ARHGAP31: variants seen among roughly 807,000 people sequenced by gnomAD.
ARHGAP31 encodes the protein rho GTPase-activating protein 31.
Under a neutral mutation model 113.9 loss-of-function variants are expected in ARHGAP31, and 34 were observed. The observed-to-expected ratio is 0.30, with a 90% CI of 0.23 to 0.40. The LOEUF is 0.40. ARHGAP31 is among the 10% of genes least tolerant of loss of function. ARHGAP31 has a pLI of 1.00. For synonymous variants in ARHGAP31, 650 were observed against 684.8 expected (o/e 0.95, Z 0.79); for missense variants, 1,548 against 1,767.1 (o/e 0.88, Z 2.22).
chr3:119,404,497 C>T (rs6772534), intron 10 of ARHGAP31, among the ~76,000 whole-genome samples: 27,849 of 152,036 alleles, frequency 0.18, 2,923 homozygotes, highest in African/African-American at 0.28. Flanking sequence ...TGCTCTCTGA[C>T]GGGGTGAGGT....
intron 1 of ARHGAP31, among the ~76,000 whole-genome samples, chr3:119,304,006 G>T (rs550302270): frequency 6.6e-6 from 1 of 152,144 alleles, no homozygotes; most frequent in East Asian, 1.9e-4. Flanking sequence ...ATGTTAGCCA[G>T]GCTGGTCTCA....
intron 5 of ARHGAP31, among the ~76,000 whole-genome samples, chr3:119,382,646 G>A (rs2080411716): frequency 6.6e-6 from 1 of 152,150 alleles, no homozygotes; most frequent in Non-Finnish European, 1.5e-5. Context: ...TGAACTTATG[G>A]GTCTGTATGT....
Position 119,390,942 on chromosome 3 carries a change from G to A in ARHGAP31, c.840G>A (p.Met280Ile). Reference protein sequence around the residue: ...ENSLPEIVPPMGTLFHTVLEL... With the variant: ...ENSLPEIVPPIGTLFHTVLEL... ...GCCTGCCTGAGATTGTCCCTCCCATGGGCACCCTCTTCCACACTGTCCTTG... is the reference window on the plus strand; with the variant it reads ...GCCTGCCTGAGATTGTCCCTCCCATAGGCACCCTCTTCCACACTGTCCTTG... The change falls in exon 7 of 12, where the codon ATG becomes ATA. Residue 280 changes from methionine to isoleucine, a missense_variant. Coordinates refer to ENST00000264245, the MANE Select transcript of ARHGAP31 (RefSeq NM_020754.4). 3 of 1,614,160 alleles carry A rather than the reference G, an allele frequency of 1.9e-6. No homozygotes were observed. Among genetic ancestry groups the A allele is most frequent in the South Asian group, 1.1e-5 (1 of 91,080 alleles).
At chr3:119,369,959 AAAAAG>A (rs2080283081) in intron 3 of ARHGAP31, among the ~76,000 whole-genome samples, 1 of 152,132 alleles carries the variant, frequency 6.6e-6, no homozygotes, top group African/African-American at 2.4e-5. Context: ...GATTTAAAAA[AAAAAG>A]AAAAGAAAGA....
chr3:119,374,010 G>C (rs553495876), intron 3 of ARHGAP31, among the ~76,000 whole-genome samples: 1 of 152,304 alleles, frequency 6.6e-6, no homozygotes, highest in African/African-American at 2.4e-5. Flanking sequence ...AGTGAGAGAT[G>C]ATTTAAATAA....
intron 3 of ARHGAP31, among the ~76,000 whole-genome samples, chr3:119,373,434 CT>C (rs11289099): frequency 0.33 from 48,009 of 147,156 alleles, 8,463 homozygotes; most frequent in South Asian, 0.49. Flanking sequence ...GTGAGACTGG[CT>C]TTTTTTTTTG....
At chr3:119,367,582 G>A (rs2080260552) in intron 2 of ARHGAP31, among the ~76,000 whole-genome samples, 1 of 152,102 alleles carries the variant, frequency 6.6e-6, no homozygotes, top group Non-Finnish European at 1.5e-5. Context: ...GATTAGGCTG[G>A]GCATGGTGGC....
chr3:119,409,580 C>T lies in ARHGAP31; in HGVS notation c.1730C>T (p.Ser577Phe), dbSNP rs1468657696. ...PGTVECSKGL[S>F]QEPGAHLEEK... is the part of the protein sequence containing the mutation. ...ACAGTGGAATGCAGCAAAGGCCTGT[C>T]CCAGGAGCCAGGCGCCCACCTGGAG... Residue 577 changes from serine (S) to phenylalanine (F), a missense_variant, in exon 11 of 12, where the codon TCC (serine) becomes TTC (phenylalanine). Transcript: ENST00000264245. The T allele has an allele frequency of 2.5e-6, 4 of 1,613,970 alleles. No individual in the cohort carries two copies. The highest frequency in any genetic ancestry group is 2.2e-5 in the East Asian group (1 of 44,890).
At chr3:119,410,422 C>G (rs1043821902) in intron 11 of ARHGAP31, among the ~76,000 whole-genome samples, 1 of 152,170 alleles carries the variant, frequency 6.6e-6, no homozygotes, top group African/African-American at 2.4e-5. Context: ...CAGAGGAGGG[C>G]ACCAGAAAGG....
At chr3:119,372,984 A>G (rs1468147942) in intron 3 of ARHGAP31, among the ~76,000 whole-genome samples, 1 of 152,228 alleles carries the variant, frequency 6.6e-6, no homozygotes, top group Admixed American at 6.5e-5. Flanking sequence ...AAACAGTGCT[A>G]GGAAAATTCG....
At chr3:119,333,231 A>G (rs559366197) in intron 1 of ARHGAP31, among the ~76,000 whole-genome samples, 2 of 152,194 alleles carry the variant, frequency 1.3e-5, no homozygotes, top group East Asian at 3.9e-4. Flanking sequence ...TCAAAAAGGG[A>G]CTCTGAATTT....
chr3:119,309,883 C>CT (rs1326768044), intron 1 of ARHGAP31, among the ~76,000 whole-genome samples: 1 of 151,550 alleles, frequency 6.6e-6, no homozygotes, highest in Non-Finnish European at 1.5e-5. Flanking sequence ...AGCGAGAGCA[C>CT]TTTGAGTTAG....
intron 6 of ARHGAP31, among the ~76,000 whole-genome samples, chr3:119,384,705 G>A (rs961029781): frequency 6.6e-6 from 1 of 152,144 alleles, no homozygotes; most frequent in African/African-American, 2.4e-5. Flanking sequence ...ACCTCATAAA[G>A]GTCGCACCTC....
intron 2 of ARHGAP31, among the ~76,000 whole-genome samples, chr3:119,367,864 AG>A (rs1326737511): frequency 0.011 from 1,614 of 148,948 alleles, 27 homozygotes; most frequent in East Asian, 0.037. Context: ...CTCAAAAAAA[AG>A]AAAAAAAAAA....
At chr3:119,351,788 C>T (rs192516034) in intron 1 of ARHGAP31, among the ~76,000 whole-genome samples, 3 of 152,200 alleles carry the variant, frequency 2.0e-5, no homozygotes, top group Admixed American at 6.5e-5. Flanking sequence ...CAGGCACATG[C>T]GGCCGTTCTC....
intron 1 of ARHGAP31, among the ~76,000 whole-genome samples, chr3:119,298,433 C>T (rs944861255): frequency 6.6e-6 from 1 of 152,048 alleles, no homozygotes; most frequent in African/African-American, 2.4e-5. Context: ...CATAATGTGC[C>T]CATGGTTGTT....
rs569627280 is a variant in ARHGAP31 at position 119,398,800 on chromosome 3, T to C, written c.1007-399T>C. 6.6e-5 allele frequency among the ~76,000 whole-genome samples: 10 copies of C among 152,318 alleles called. No homozygotes were observed. The South Asian group carries it at 1.9e-3, about 28-fold the overall frequency. On this transcript the variant is annotated intron_variant, in intron 8 of 11. Coordinates refer to ENST00000264245, the MANE Select transcript of ARHGAP31 (RefSeq NM_020754.4). ...TACCAAATTTGCAGTAGCTGAGATGTGGTCTCAGCTCTCTGGTCTCTGGCC... is the reference window on the plus strand; with the variant it reads ...TACCAAATTTGCAGTAGCTGAGATGCGGTCTCAGCTCTCTGGTCTCTGGCC...
intron 6 of ARHGAP31, among the ~76,000 whole-genome samples, chr3:119,388,308 T>TATATATATATATATATA (rs1553765977): frequency 0.045 from 6,024 of 133,228 alleles, 376 homozygotes; most frequent in East Asian, 0.14. Flanking sequence ...TGTATAATTT[T>TATATATATATATATATA]TATATATATA....
chr3:119,357,105 A>G (rs1291020025), intron 1 of ARHGAP31, among the ~76,000 whole-genome samples: 1 of 152,220 alleles, frequency 6.6e-6, no homozygotes, highest in East Asian at 1.9e-4. Flanking sequence ...GAAAAATGAT[A>G]TATCAGTGCA....
Sources: allele counts gnomAD v4.1 joint callset (sites outside exome capture counted in the v4.1 genomes callset), GRCh38; gene constraint gnomAD v4.1.1; transcripts MANE v1.5; gene names NCBI Gene and HGNC (gene_info 2026-07-23, HGNC 2026-07-21).